The following SDK1 variants were observed in gnomAD, a reference collection of about 807,000 sequenced individuals.
The protein encoded by SDK1 is sidekick cell adhesion molecule 1.
Under a neutral mutation model 245.5 loss-of-function variants are expected in SDK1, and 157 were observed. That is an observed-to-expected ratio of 0.64 (90% CI 0.56 to 0.73). SDK1 has a LOEUF of 0.73. SDK1 is among the 30% of genes least tolerant of loss of function. The probability of loss-of-function intolerance (pLI) is 0.00; values close to 1 mark genes in which losing one functional copy is unlikely to be tolerated. For missense variants in SDK1, 3,583 were observed against 3,002.3 expected, an observed-to-expected ratio of 1.19 and a Z score of -4.52; for synonymous variants, 1,647 against 1,278.5, an observed-to-expected ratio of 1.29 and a Z score of -6.15.
chr7:3,987,132 A>G, intron 13 of SDK1, 54 bp from the exon 14 acceptor site: 5 of 1,594,840 alleles, frequency 3.1e-6, no homozygotes, highest in East Asian at 2.2e-5. Context: ...CAGGCTCACC[A>G]TGGATTCTGA....
chr7:4,264,995 G>A, intron 44 of SDK1, 129 bp from the exon 45 acceptor site: 1 of 1,403,958 alleles, frequency 7.1e-7, no homozygotes, highest in Non-Finnish European at 9.5e-7. Flanking sequence ...TTGGGTTGGG[G>A]TGGGGAGAGG....
In SDK1 at chr7:4,158,548, G is replaced by A; in HGVS notation, c.4726G>A (p.Asp1576Asn). 1 of 1,611,468 alleles carries A rather than the reference G, an allele frequency of 6.2e-7. No individual in the cohort carries two copies. The highest frequency in any genetic ancestry group is 8.5e-7 in the Non-Finnish European group (1 of 1,178,210). ...GACAGAGGCGGTGACCACGCTGCAGGATGGTGAGCAACCCGGGGCCCAGAC... is the reference window on the plus strand; with the variant it reads ...GACAGAGGCGGTGACCACGCTGCAGAATGGTGAGCAACCCGGGGCCCAGAC... ...SETEAVTTLQ[D>N]VPGEPPGSVS... Residue 1576 changes from aspartate to asparagine, a missense_variant, in exon 31 of 45, where the codon GAT becomes AAT. Physicochemically the swap from Asp to Asn is conservative, Grantham distance 23. Coordinates refer to ENST00000404826, the MANE Select transcript of SDK1 (RefSeq NM_152744.4).
intron 1 of SDK1, among the ~76,000 whole-genome samples, chr7:3,422,802 CTG>C (rs1181229755): frequency 2.0e-5 from 3 of 152,138 alleles, no homozygotes; most frequent in Admixed American, 1.3e-4. Context: ...ATATGATAGA[CTG>C]TTAATTCCTG....
chr7:3,509,068 GT>G (rs1782492810), intron 1 of SDK1, among the ~76,000 whole-genome samples: 1 of 136,844 alleles, frequency 7.3e-6, no homozygotes, highest in African/African-American at 2.9e-5. Context: ...GGAAGGTGGG[GT>G]GTGTGTGTGT....
At chr7:4,189,036 C>T (rs939992526) in intron 35 of SDK1, among the ~76,000 whole-genome samples, 9 of 145,650 alleles carry the variant, frequency 6.2e-5, no homozygotes, top group African/African-American at 2.4e-4. Flanking sequence ...ATGAATTTTA[C>T]AATCATTTTG....
At position 3,943,835 on chromosome 7, in the gene SDK1, G is replaced by T. The variant is rs186345449; in HGVS notation, c.848-7088G>T. On this transcript the variant is annotated intron_variant, in intron 5 of 44. Coordinates refer to ENST00000404826, the MANE Select transcript of SDK1 (RefSeq NM_152744.4). ...TAAAGAGGTTCATGTGGGGGAAATT[G>T]ACTAGGATTAGGCTTCATTTCCCTC... 3.6e-4 allele frequency among the ~76,000 whole-genome samples: 55 copies of T among 152,274 alleles called. No homozygotes were observed. In the East Asian group the frequency reaches 9.3e-3, roughly 26 times the overall value.
chr7:3,319,873 T>A (rs375805953), intron 1 of SDK1, among the ~76,000 whole-genome samples: 1 of 140,022 alleles, frequency 7.1e-6, no homozygotes. Flanking sequence ...TAACCCATTC[T>A]TAGTCTTTTT....
At chr7:3,448,001 G>T (rs921096669) in intron 1 of SDK1, among the ~76,000 whole-genome samples, 1 of 152,066 alleles carries the variant, frequency 6.6e-6, no homozygotes, top group African/African-American at 2.4e-5. Context: ...ACTGCACCCG[G>T]CCTATATATC....
chr7:3,520,602 G>A (rs968387485), intron 1 of SDK1, among the ~76,000 whole-genome samples: 3 of 152,158 alleles, frequency 2.0e-5, no homozygotes, highest in Non-Finnish European at 2.9e-5. Context: ...GAATTCTAAT[G>A]TATCTGACCT....
intron 4 of SDK1, among the ~76,000 whole-genome samples, chr7:3,813,162 C>T (rs1215645735): frequency 6.7e-6 from 1 of 150,096 alleles, no homozygotes; most frequent in Non-Finnish European, 1.5e-5. Flanking sequence ...GCACATTGTG[C>T]AGGTTAGTTA....
chr7:3,473,207 G>A (rs946895718), intron 1 of SDK1, among the ~76,000 whole-genome samples: 3 of 152,136 alleles, frequency 2.0e-5, no homozygotes, highest in Non-Finnish European at 4.4e-5. Flanking sequence ...AAGAGTAAAT[G>A]GAGCAGGACC....
intron 1 of SDK1, among the ~76,000 whole-genome samples, chr7:3,304,150 G>C (rs570100571): frequency 6.6e-6 from 1 of 152,326 alleles, no homozygotes; most frequent in Non-Finnish European, 1.5e-5. Context: ...CCAGGTTCAG[G>C]TCTTCCAAAT....
At chr7:4,248,710 A>ACACACG (rs550247001) in intron 44 of SDK1, among the ~76,000 whole-genome samples, 1 of 152,164 alleles carries the variant, frequency 6.6e-6, no homozygotes, top group Non-Finnish European at 1.5e-5. Context: ...ACACATGTAC[A>ACACACG]CACACGCACA....
At chr7:3,436,101 T>G (rs1263797712) in intron 1 of SDK1, among the ~76,000 whole-genome samples, 1 of 152,244 alleles carries the variant, frequency 6.6e-6, no homozygotes, top group African/African-American at 2.4e-5. Flanking sequence ...TTATTTTCAA[T>G]ATAATATGGT....
intron 1 of SDK1, among the ~76,000 whole-genome samples, chr7:3,350,624 G>T (rs1780634579): frequency 6.6e-6 from 1 of 152,102 alleles, no homozygotes; most frequent in South Asian, 2.1e-4. Context: ...TAGAGCCTTT[G>T]GGCCACAAGA....
chr7:4,051,422 A>C (rs1177473353), intron 18 of SDK1, among the ~76,000 whole-genome samples: 1 of 151,608 alleles, frequency 6.6e-6, no homozygotes, highest in Non-Finnish European at 1.5e-5. Context: ...ATATACAAGT[A>C]TAAAATACAT....
intron 1 of SDK1, among the ~76,000 whole-genome samples, chr7:3,574,703 T>C (rs973542013): frequency 6.6e-6 from 1 of 152,090 alleles, no homozygotes; most frequent in Non-Finnish European, 1.5e-5. Flanking sequence ...GATGGAATAC[T>C]GTACTGCCTG....
intron 4 of SDK1, among the ~76,000 whole-genome samples, chr7:3,787,877 G>T (rs1344947817): frequency 6.6e-6 from 1 of 152,186 alleles, no homozygotes; most frequent in Non-Finnish European, 1.5e-5. Context: ...TTCTACCTCA[G>T]GACCGCTGGA....
intron 4 of SDK1, among the ~76,000 whole-genome samples, chr7:3,687,901 A>G (rs539989328): frequency 1.3e-5 from 2 of 152,242 alleles, no homozygotes; most frequent in African/African-American, 4.8e-5. Context: ...GGATTGCTGT[A>G]TTTTTCTTAC....
Sources: allele counts gnomAD v4.1 joint callset (sites outside exome capture counted in the v4.1 genomes callset), GRCh38; gene constraint gnomAD v4.1.1; transcripts MANE v1.5; gene names NCBI Gene and HGNC (gene_info 2026-07-23, HGNC 2026-07-21).